CEP112: variants seen among roughly 807,000 people sequenced by gnomAD.
CEP112 encodes the protein centrosomal protein 112, also known as centrosomal protein of 112 kDa.
In CEP112, 127 loss-of-function variants were observed where a neutral mutation model predicts 153.0. That is an observed-to-expected ratio of 0.83 (90% CI 0.72 to 0.96). The LOEUF (loss-of-function observed/expected upper bound fraction) is 0.96. Among genes scored for constraint, CEP112 ranks in the 40% least tolerant of loss-of-function variants. The probability of loss-of-function intolerance (pLI) is 0.00; values close to 1 mark genes in which losing one functional copy is unlikely to be tolerated. For synonymous variants in CEP112, 358 were observed against 374.4 expected (o/e 0.96, Z 0.51); for missense variants, 1,089 against 1,101.2 (o/e 0.99, Z 0.16).
chr17:65,667,390 G>GC (rs2046747776), intron 24 of CEP112, among the ~76,000 whole-genome samples: 1 of 152,128 alleles, frequency 6.6e-6, no homozygotes, highest in African/African-American at 2.4e-5. Flanking sequence ...CAACTCCAGG[G>GC]CAATGGAGGG....
intron 17 of CEP112, among the ~76,000 whole-genome samples, chr17:65,979,833 C>T (rs1279023269): frequency 6.6e-6 from 1 of 151,848 alleles, no homozygotes; most frequent in Non-Finnish European, 1.5e-5. Context: ...AATGAGTACC[C>T]AATATGGGTA....
At chr17:66,100,216 A>C (rs561979327) in intron 6 of CEP112, among the ~76,000 whole-genome samples, 3 of 151,908 alleles carry the variant, frequency 2.0e-5, no homozygotes, top group South Asian at 4.2e-4. Context: ...TGGCTAACAC[A>C]GTGAAACCCC....
At chr17:65,970,676 G>A (rs934404036) in intron 17 of CEP112, among the ~76,000 whole-genome samples, 1 of 151,532 alleles carries the variant, frequency 6.6e-6, no homozygotes, top group East Asian at 1.9e-4. Context: ...CATATTACAC[G>A]CATATCACAC....
rs757276164 is a variant in CEP112, at chr17:66,066,870, T to G, written c.863A>C (p.Glu288Ala). The change falls in exon 10 of 27, where the codon GAA becomes GCA. Residue 288 changes from glutamate to alanine, a missense_variant. By Grantham distance (107) the Glu-to-Ala change is moderately radical. Coordinates refer to ENST00000535342, the MANE Select transcript of CEP112 (RefSeq NM_001199165.4). ...KHDADVQKIL[E>A]RKNNEIEELK... ...TTCTTCTATTTCATTATTCTTTCTT[T>G]CTAAAATCTGCAAATAAATTTAAAA... The G allele has an allele frequency of 1.3e-6, 2 of 1,529,480 alleles. No individual in the cohort carries two copies. The highest frequency in any genetic ancestry group is 1.8e-6 in the Non-Finnish European group (2 of 1,138,794). The allele number at this position is 1,529,480 out of a possible 1,614,324, so 94.7% of individuals were successfully genotyped here.
At chr17:65,898,046 A>G (rs1277333171) in intron 20 of CEP112, among the ~76,000 whole-genome samples, 3 of 152,100 alleles carry the variant, frequency 2.0e-5, no homozygotes, top group Non-Finnish European at 4.4e-5. Context: ...TTTTTTCTTC[A>G]GTATAGATTT....
At chr17:65,821,496 TTATATATATATATATAATTATATATATA>T (rs1455458478) in intron 21 of CEP112, among the ~76,000 whole-genome samples, 210 of 121,340 alleles carry the variant, frequency 1.7e-3, no homozygotes, top group Non-Finnish European at 2.9e-3. Context: ...ATATATATAA[TTATATATATATATATAATTATATATATA>T]TATATATATA....
chr17:65,895,220 CAG>C lies in CEP112; in HGVS notation c.2163+6930_2163+6931del, dbSNP rs1206713878. Among the ~76,000 whole-genome samples, 15 of 151,916 alleles carry C rather than the reference CAG, an allele frequency of 9.9e-5. No individual in the cohort carries two copies. In the East Asian group the frequency reaches 2.9e-3, roughly 29 times the overall value. On this transcript the variant is annotated intron_variant, in intron 20 of 26. Coordinates refer to ENST00000535342, the MANE Select transcript of CEP112 (RefSeq NM_001199165.4). ...TCTGACCCAGGTAAAAAGATCAAAA[CAG>C]AGTTTCTAGATAGGAAATGTCATCC...
At chr17:65,739,232 C>G (rs553585359) in intron 23 of CEP112, among the ~76,000 whole-genome samples, 1 of 152,340 alleles carries the variant, frequency 6.6e-6, no homozygotes, top group African/African-American at 2.4e-5. Context: ...GCAGATGAAC[C>G]ACCCAGCTGA....
chr17:66,051,268 C>T (rs940061592), intron 12 of CEP112, among the ~76,000 whole-genome samples: 2 of 151,386 alleles, frequency 1.3e-5, no homozygotes, highest in Non-Finnish European at 2.9e-5. Context: ...AAACTGAGTC[C>T]TTCTTTTTCG....
rs2058970658 is a variant in CEP112 at position 65,879,366 on chromosome 17, G to A, written c.2163+22786C>T. Among the ~76,000 whole-genome samples the A allele has an allele frequency of 2.0e-5, 3 of 152,182 alleles. No individual in the cohort carries two copies. In the South Asian group the frequency reaches 6.2e-4, roughly 32 times the overall value. On this transcript the variant is annotated intron_variant, in intron 20 of 26. Transcript: ENST00000535342. Reference sequence around the variant, plus strand: ...CAAGGAAACATACTTTTTTCCCCTGGAACCTCCAGAAGGAGCCAAGGCTTC... The same window carrying A: ...CAAGGAAACATACTTTTTTCCCCTGAAACCTCCAGAAGGAGCCAAGGCTTC...
chr17:65,658,178 C>T (rs1469937881), intron 24 of CEP112, among the ~76,000 whole-genome samples: 1 of 152,216 alleles, frequency 6.6e-6, no homozygotes, highest in South Asian at 2.1e-4. Flanking sequence ...TGCGTAACTG[C>T]TAGAACCACG....
chr17:65,698,093 AAAC>A (rs932734668), intron 23 of CEP112, among the ~76,000 whole-genome samples: 2 of 152,186 alleles, frequency 1.3e-5, no homozygotes, highest in African/African-American at 4.8e-5. Context: ...AAACAAAACA[AAAC>A]AAAAAACCCT....
intron 21 of CEP112, among the ~76,000 whole-genome samples, chr17:65,791,237 TG>T (rs2054574469): frequency 6.6e-6 from 1 of 152,216 alleles, no homozygotes; most frequent in Non-Finnish European, 1.5e-5. Flanking sequence ...CTTAAATGTC[TG>T]TTAATGGGCT....
At chr17:66,049,534 G>A (rs2066353005) in intron 12 of CEP112, among the ~76,000 whole-genome samples, 1 of 152,192 alleles carries the variant, frequency 6.6e-6, no homozygotes, top group African/African-American at 2.4e-5. Context: ...TGGATCACCT[G>A]AGGTCAGGAG....
chr17:65,935,016 G>A (rs1181240053), intron 18 of CEP112, among the ~76,000 whole-genome samples: 1 of 152,138 alleles, frequency 6.6e-6, no homozygotes, highest in Non-Finnish European at 1.5e-5. Context: ...CAAGAGAACT[G>A]CATGGGGGAA....
At chr17:65,647,146 T>C (rs1051391740) in intron 24 of CEP112, among the ~76,000 whole-genome samples, 1 of 151,226 alleles carries the variant, frequency 6.6e-6, no homozygotes, top group African/African-American at 2.4e-5. Context: ...AATTAGTTTA[T>C]ATTCCTATAT....
chr17:65,747,463 A>G (rs1303307991), intron 22 of CEP112, among the ~76,000 whole-genome samples: 1 of 152,244 alleles, frequency 6.6e-6, no homozygotes, highest in Non-Finnish European at 1.5e-5. Context: ...AACTATGGAC[A>G]TTCTGGCAAA....
In CEP112 at chr17:65,851,780, T is replaced by TA. The variant is rs776259687; in HGVS notation, c.2394+23dup. On this transcript the variant is annotated intron_variant, in intron 21 of 26. Coordinates refer to ENST00000535342, the MANE Select transcript of CEP112 (RefSeq NM_001199165.4). Reference sequence around the variant, plus strand: ...TTAAACATGGATTTCAACTGCCTATTAAAAAACTAGTTAAATATCTTACCT... The same window carrying TA: ...TTAAACATGGATTTCAACTGCCTATTAAAAAAACTAGTTAAATATCTTACCT... The TA allele has an allele frequency of 1.2e-5, 18 of 1,563,754 alleles. No individual in the cohort carries two copies. The Admixed American group carries it at 1.2e-4, about 11-fold the overall frequency.
intron 19 of CEP112, among the ~76,000 whole-genome samples, chr17:65,925,926 T>G (rs561259522): frequency 6.6e-6 from 1 of 152,354 alleles, no homozygotes; most frequent in East Asian, 1.9e-4. Flanking sequence ...AAGCCTTTTT[T>G]GTTCTAAGCC....
Sources: allele counts gnomAD v4.1 joint callset (sites outside exome capture counted in the v4.1 genomes callset), GRCh38; gene constraint gnomAD v4.1.1; transcripts MANE v1.5; gene names NCBI Gene and HGNC (gene_info 2026-07-23, HGNC 2026-07-21).